FER1L6: variants seen among roughly 807,000 people sequenced by gnomAD.
FER1L6 encodes the protein fer-1-like protein 6.
A neutral mutation model predicts 219.2 loss-of-function variants in FER1L6; 177 were observed. The ratio of observed to expected loss-of-function variants is 0.81; its 90% CI spans 0.71 to 0.91. The LOEUF (loss-of-function observed/expected upper bound fraction) is 0.91. Among genes scored for constraint, FER1L6 ranks in the 40% least tolerant of loss-of-function variants. FER1L6 has a pLI of 0.00. For missense variants in FER1L6, 2,153 were observed against 2,259.9 expected, an observed-to-expected ratio of 0.95 and a Z score of 0.96; for synonymous variants, 768 against 824.3, an observed-to-expected ratio of 0.93 and a Z score of 1.17.
At chr8:123,946,940 A>G (rs576094325) in intron 1 of FER1L6, among the ~76,000 whole-genome samples, 39 of 152,226 alleles carry the variant, frequency 2.6e-4, no homozygotes, top group African/African-American at 8.9e-4. Flanking sequence ...GAACACAACA[A>G]GGCTCTGTGT....
At chr8:123,913,248 C>T (rs538438552) in intron 1 of FER1L6, among the ~76,000 whole-genome samples, 3 of 139,164 alleles carry the variant, frequency 2.2e-5, no homozygotes, top group Non-Finnish European at 4.6e-5. Context: ...TTAATAAATA[C>T]AAATGGGGTT....
intron 34 of FER1L6, among the ~76,000 whole-genome samples, chr8:124,094,642 C>T (rs1030490279): frequency 4.6e-5 from 7 of 152,070 alleles, no homozygotes; most frequent in African/African-American, 9.7e-5. Context: ...CCCGCCACCA[C>T]ACCTGGCTAA....
At chr8:124,101,923 G>A (rs1008455812) in intron 38 of FER1L6, among the ~76,000 whole-genome samples, 28 of 152,210 alleles carry the variant, frequency 1.8e-4, no homozygotes, top group African/African-American at 6.5e-4. Flanking sequence ...ACAACTGGAA[G>A]TGGGGGCTTC....
intron 12 of FER1L6, among the ~76,000 whole-genome samples, chr8:123,997,420 C>A (rs1240135085): frequency 6.6e-6 from 1 of 152,046 alleles, no homozygotes; most frequent in Non-Finnish European, 1.5e-5. Context: ...TATTTCTTTT[C>A]TCTTGCTGCT....
At position 124,112,638 on chromosome 8, in the gene FER1L6, C is replaced by T. The variant is rs560544188; in HGVS notation, c.5290-6206C>T. ...ATTCTATCCCTGGTACATCAACAAC[C>T]AAAACTCTAAGGGAGGTTTCTATGC... On this transcript the variant is annotated intron_variant, in intron 39 of 40. Coordinates refer to ENST00000522917, the MANE Select transcript of FER1L6 (RefSeq NM_001039112.2). 1.5e-3 allele frequency among the ~76,000 whole-genome samples: 227 copies of T among 152,248 alleles called. 1 individual carries two copies. The highest frequency in any genetic ancestry group is 5.3e-3 in the African/African-American group (221 of 41,532).
rs952592299 is a variant in FER1L6, at chr8:123,949,002, G to T, written c.-7-6990G>T. ...AGTGAAGTGTGCACTAGCACCAGGA[G>T]CCATGTGGACACAGAGGAGGGAATG... On this transcript the variant is annotated intron_variant, in intron 1 of 40. Transcript: ENST00000522917. Among the ~76,000 whole-genome samples, 7 of 152,312 alleles carry T rather than the reference G, an allele frequency of 4.6e-5. No homozygotes were observed. In the South Asian group the frequency reaches 1.0e-3, roughly 23 times the overall value.
At chr8:123,960,411 T>C (rs570074512) in intron 2 of FER1L6, among the ~76,000 whole-genome samples, 1 of 152,268 alleles carries the variant, frequency 6.6e-6, no homozygotes, top group East Asian at 1.9e-4. Flanking sequence ...GAATCTAGGG[T>C]GGAGAGGAAA....
intron 22 of FER1L6, chr8:124,058,923 C>G (rs189978447): frequency 4.6e-5 from 7 of 152,302 alleles, no homozygotes; most frequent in African/African-American, 1.7e-4. Flanking sequence ...TTTTTCTGAG[C>G]TTTCTTGTAA....
At chr8:123,993,585 A>C (rs1235404752) in intron 12 of FER1L6, among the ~76,000 whole-genome samples, 1 of 152,172 alleles carries the variant, frequency 6.6e-6, no homozygotes, top group Non-Finnish European at 1.5e-5. Flanking sequence ...TGTTAAAAGA[A>C]ACTTCCCACC....
chr8:124,103,116 T>TC, intron 38 of FER1L6, 30 bp from the exon 39 acceptor site: 4 of 1,597,362 alleles, frequency 2.5e-6, no homozygotes, highest in Non-Finnish European at 3.4e-6. Flanking sequence ...AGAAAATGCT[T>TC]CCCTAACTGT....
intron 22 of FER1L6, among the ~76,000 whole-genome samples, chr8:124,053,845 C>G (rs1201622821): frequency 6.6e-6 from 1 of 152,134 alleles, no homozygotes; most frequent in Admixed American, 6.5e-5. Context: ...GGCAGGAGAG[C>G]AAGAGACCCT....
chr8:123,893,724 A>G (rs1311908659), intron 1 of FER1L6, among the ~76,000 whole-genome samples: 1 of 152,198 alleles, frequency 6.6e-6, no homozygotes, highest in African/African-American at 2.4e-5. Flanking sequence ...GTTCCAGTAA[A>G]GCCAATTTAG....
chr8:124,030,956 G>A (rs570292317), intron 18 of FER1L6, among the ~76,000 whole-genome samples: 1 of 152,232 alleles, frequency 6.6e-6, no homozygotes, highest in African/African-American at 2.4e-5. Context: ...TGAGCCTTTA[G>A]TATTCTGTCT....
intron 33 of FER1L6, among the ~76,000 whole-genome samples, chr8:124,086,635 T>A (rs1821797050): frequency 6.6e-6 from 1 of 152,210 alleles, no homozygotes; most frequent in African/African-American, 2.4e-5. Flanking sequence ...TATACCACAC[T>A]TAGTGTTATA....
chr8:123,950,048 AG>A (rs1383597598), intron 1 of FER1L6, among the ~76,000 whole-genome samples: 1 of 152,186 alleles, frequency 6.6e-6, no homozygotes, highest in Non-Finnish European at 1.5e-5. Flanking sequence ...AGTGGAGAGC[AG>A]GGCTTTAATT....
chr8:124,061,134 A>G (rs1179048824), intron 24 of FER1L6, among the ~76,000 whole-genome samples: 1 of 152,214 alleles, frequency 6.6e-6, no homozygotes, highest in African/African-American at 2.4e-5. Flanking sequence ...AAAATACTGT[A>G]ATAAGATTTA....
chr8:124,031,756 T>C (rs1378609097), intron 18 of FER1L6, among the ~76,000 whole-genome samples: 3 of 152,026 alleles, frequency 2.0e-5, no homozygotes, highest in Non-Finnish European at 4.4e-5. Flanking sequence ...AGGCTTTCAT[T>C]TGGGGGTATT....
chr8:124,061,486 T>G (rs886721481), intron 24 of FER1L6, among the ~76,000 whole-genome samples: 2 of 152,096 alleles, frequency 1.3e-5, no homozygotes, highest in Non-Finnish European at 2.9e-5. Flanking sequence ...CAGCTCTGTA[T>G]TAAATGGCTC....
intron 15 of FER1L6, chr8:124,015,750 C>T (rs1486102685): frequency 6.6e-6 from 1 of 152,112 alleles, no homozygotes; most frequent in Non-Finnish European, 1.5e-5. Context: ...TAGGGGATTA[C>T]TTGGGATGAT....
Sources: gnomAD v4.1 joint callset for allele counts (sites outside exome capture counted in the v4.1 genomes callset) on GRCh38, gnomAD v4.1.1 for gene constraint, MANE v1.5 for transcripts, NCBI Gene and HGNC (gene_info 2026-07-23, HGNC 2026-07-21) for gene names.